TIGIT: variants seen among roughly 807,000 people sequenced by gnomAD.
TIGIT encodes the protein T-cell immunoreceptor with Ig and ITIM domains.
TIGIT carries 11 observed loss-of-function variants against 19.6 expected under a neutral mutation model. That is an observed-to-expected ratio of 0.56 (90% confidence interval 0.35 to 0.93). The LOEUF is 0.93. Ranked by LOEUF, TIGIT falls within the 40% of genes least tolerant of loss-of-function variation. The pLI, the probability that TIGIT is intolerant of heterozygous loss-of-function variation, is 0.01. For missense variants in TIGIT, 295 were observed against 303.9 expected (o/e 0.97, Z 0.22); for synonymous variants, 130 against 125.5 (o/e 1.04, Z -0.24).
At chr3:114,304,427 TG>T (rs1455435562) in intron 3 of TIGIT, among the ~76,000 whole-genome samples, 2 of 152,216 alleles carry the variant, frequency 1.3e-5, no homozygotes, top group African/African-American at 4.8e-5. Flanking sequence ...GCCAAAGCAG[TG>T]TTGTCATCTC....
At chr3:114,307,583 C>T (rs1044379407) in intron 3 of TIGIT, 8 of 273,482 alleles carry the variant, frequency 2.9e-5, no homozygotes, top group African/African-American at 2.2e-5. Flanking sequence ...AGTAAGAGGT[C>T]GACAGAGTCA....
chr3:114,300,286 G>A (rs959980812), intron 3 of TIGIT, among the ~76,000 whole-genome samples: 21 of 151,910 alleles, frequency 1.4e-4, no homozygotes, highest in Non-Finnish European at 2.5e-4. Context: ...AGACTGTGGC[G>A]GGAGGATCAC....
chr3:114,299,745 C>T lies in TIGIT; in HGVS notation c.498+42C>T, dbSNP rs571874096. On this transcript the variant is annotated intron_variant, in intron 3 of 3. Coordinates refer to ENST00000383671, the MANE Select transcript of TIGIT (RefSeq NM_173799.4). ...CACACCGCAGTCATGGGCACCCCCA[C>T]GTCTGGCACCCGGGTCCTTTCAGGT... The T allele has an allele frequency of 4.4e-5, 60 of 1,348,690 alleles. No individual in the cohort carries two copies. The Middle Eastern group carries it at 5.6e-4, about 13-fold the overall frequency. 83.5% of individuals were successfully genotyped at this position (1,348,690 alleles called of 1,614,324 possible). A position where few individuals can be genotyped will look rare whatever the true frequency, so the allele number is the denominator to read the frequency against.
intron 3 of TIGIT, among the ~76,000 whole-genome samples, chr3:114,305,069 T>A (rs1016680359): frequency 3.3e-5 from 5 of 152,244 alleles, no homozygotes; most frequent in African/African-American, 9.6e-5. Flanking sequence ...GATCTGAGGC[T>A]GTCATTTTCT....
At chr3:114,301,200 G>A (rs1056782493) in intron 3 of TIGIT, among the ~76,000 whole-genome samples, 12 of 151,982 alleles carry the variant, frequency 7.9e-5, no homozygotes, top group African/African-American at 2.7e-4. Context: ...TAAATATTTT[G>A]GGAAACACAA....
Position 114,301,861 on chromosome 3 carries a change from G to A in TIGIT, c.498+2158G>A, listed in dbSNP as rs1043798249. On this transcript the variant is annotated intron_variant, in intron 3 of 3. Transcript: ENST00000383671. Reference sequence around the variant, plus strand: ...TTCTGTCTCTCTCTCCTTGCTCAAAGCATTTTATAGTTGCATTATTCAGGG... The same window carrying A: ...TTCTGTCTCTCTCTCCTTGCTCAAAACATTTTATAGTTGCATTATTCAGGG... Among the ~76,000 whole-genome samples, 15 of 152,256 alleles carry A rather than the reference G, an allele frequency of 9.9e-5. No homozygotes were observed. In the East Asian group the frequency reaches 2.9e-3, roughly 29 times the overall value.
At position 114,309,771 on chromosome 3, in the gene TIGIT, C is replaced by T. The variant is rs892450487; in HGVS notation, c.*1640C>T. The T allele has an allele frequency of 6.6e-6, 1 of 152,036 alleles. No homozygotes were observed. The highest frequency in any genetic ancestry group is 2.4e-5 in the African/African-American group (1 of 41,396). The allele number at this position is 152,036 out of a possible 1,614,324, so 9.4% of individuals were successfully genotyped here. A position where few individuals can be genotyped will look rare whatever the true frequency, so the allele number is the denominator to read the frequency against. On this transcript the variant is annotated 3_prime_UTR_variant, in exon 4 of 4. Coordinates refer to ENST00000383671, the MANE Select transcript of TIGIT (RefSeq NM_173799.4). ...ACACAATTCACAAATTGGAAGTGAA[C>T]TAAAATGTAATGACGAAAAGGGAGT...
chr3:114,295,789 T>C lies in TIGIT; in HGVS notation c.306T>C (p.Asp102=). ...GLTLQSLTVN[D]TGEYFCIYHT... is the part of the protein sequence containing the mutation. ...CCCTCCAGTCGCTGACCGTGAACGA[T>C]ACAGGGGAGTACTTCTGCATCTATC... The change falls in exon 2 of 4, where the codon GAT becomes GAC. Residue 102 remains aspartate (D), a synonymous_variant. Transcript: ENST00000383671. 2 of 1,614,132 alleles carry C rather than the reference T, an allele frequency of 1.2e-6. No individual in the cohort carries two copies. The highest frequency in any genetic ancestry group is 2.2e-5 in the East Asian group (1 of 44,876).
At chr3:114,296,890 C>CTTTTTTTTTTTT (rs11289140) in intron 2 of TIGIT, among the ~76,000 whole-genome samples, 1 of 112,884 alleles carries the variant, frequency 8.9e-6, no homozygotes, top group Non-Finnish European at 1.8e-5. Context: ...AATGTTACTT[C>CTTTTTTTTTTTT]TTTTTTTTTT....
intron 3 of TIGIT, among the ~76,000 whole-genome samples, chr3:114,303,368 C>T (rs1422995008): frequency 6.6e-6 from 1 of 151,788 alleles, no homozygotes; most frequent in African/African-American, 2.4e-5. Context: ...TGAGTGAGAA[C>T]ATACAATGTT....
chr3:114,295,741 C>T lies in TIGIT; in HGVS notation c.258C>T (p.Ala86=). Residue 86 remains alanine (A), a synonymous_variant, in exon 2 of 4, where the codon GCC becomes GCT. Transcript: ENST00000383671. ...HISPSFKDRV[A]PGPGLGLTLQ... ...CCCCATCCTTCAAGGATCGAGTGGC[C>T]CCAGGTCCCGGCCTGGGCCTCACCC... is the stretch of plus-strand genomic sequence containing the variant. 6.2e-7 allele frequency: 1 copy of T among 1,614,168 alleles called. No homozygotes were observed. The highest frequency in any genetic ancestry group is 8.5e-7 in the Non-Finnish European group (1 of 1,180,026).
At chr3:114,297,517 C>T (rs1033542047) in intron 2 of TIGIT, among the ~76,000 whole-genome samples, 20 of 152,098 alleles carry the variant, frequency 1.3e-4, no homozygotes, top group African/African-American at 4.6e-4. Flanking sequence ...CTCTTTACCC[C>T]AGTGTCATAT....
At chr3:114,304,790 C>G (rs1323804935) in intron 3 of TIGIT, among the ~76,000 whole-genome samples, 1 of 152,226 alleles carries the variant, frequency 6.6e-6, no homozygotes, top group Non-Finnish European at 1.5e-5. Context: ...ACTTCTGCAG[C>G]TCCAGATGGT....
chr3:114,309,994 G>T lies in TIGIT; in HGVS notation c.*1863G>T, dbSNP rs777513376. The T allele has an allele frequency of 1.3e-5, 2 of 152,112 alleles. No individual in the cohort carries two copies. The highest frequency in any genetic ancestry group is 6.5e-5 in the Admixed American group (1 of 15,270). The allele number at this position is 152,112 out of a possible 1,614,324, so 9.4% of individuals were successfully genotyped here. ...AATTTGAAAAAAATTTTTTTAAATA[G>T]AACTCACTGAACTAGATTCTCCTCT... On this transcript the variant is annotated 3_prime_UTR_variant, in exon 4 of 4. Coordinates refer to ENST00000383671, the MANE Select transcript of TIGIT (RefSeq NM_173799.4).
chr3:114,305,904 AGATG>A (rs1400841360), intron 3 of TIGIT, among the ~76,000 whole-genome samples: 31 of 151,578 alleles, frequency 2.0e-4, no homozygotes, highest in African/African-American at 7.0e-4. Flanking sequence ...ATAGATAGAT[AGATG>A]AGGAGGGATT....
intron 3 of TIGIT, among the ~76,000 whole-genome samples, chr3:114,301,663 A>G (rs2078493423): frequency 2.0e-5 from 3 of 152,208 alleles, no homozygotes; most frequent in South Asian, 4.1e-4. Flanking sequence ...ACCTGGACTA[A>G]CTTTGGTCAT....
At chr3:114,305,864 G>GGATGGATAGATAGATA (rs762466701) in intron 3 of TIGIT, among the ~76,000 whole-genome samples, 5 of 145,044 alleles carry the variant, frequency 3.4e-5, no homozygotes, top group East Asian at 2.1e-4. Flanking sequence ...ATGGATGGAT[G>GGATGGATAGATAGATA]GATAGATAGA....
At chr3:114,304,748 A>G (rs1179610035) in intron 3 of TIGIT, among the ~76,000 whole-genome samples, 1 of 152,322 alleles carries the variant, frequency 6.6e-6, no homozygotes, top group East Asian at 1.9e-4. Flanking sequence ...AGGGCCCAGC[A>G]GGGATTCTTT....
chr3:114,297,463 A>C (rs2078462523), intron 2 of TIGIT, among the ~76,000 whole-genome samples: 2 of 152,204 alleles, frequency 1.3e-5, no homozygotes, highest in East Asian at 3.8e-4. Context: ...CAGGGGACCT[A>C]GATTCTGGCA....
Sources: gnomAD v4.1 joint callset for allele counts (sites outside exome capture counted in the v4.1 genomes callset) on GRCh38, gnomAD v4.1.1 for gene constraint, MANE v1.5 for transcripts, NCBI Gene and HGNC (gene_info 2026-07-23, HGNC 2026-07-21) for gene names.